ARHGEF9: variants seen among roughly 807,000 people sequenced by gnomAD.
ARHGEF9 encodes rho guanine nucleotide exchange factor 9.
Under a neutral mutation model 41.3 loss-of-function variants are expected in ARHGEF9, and 2 were observed. The observed-to-expected ratio is 0.05, with a 90% CI of 0.02 to 0.15. The LOEUF (loss-of-function observed/expected upper bound fraction) is 0.15, where lower values mean the gene tolerates loss of function less well. ARHGEF9 is among the 10% of genes least tolerant of loss of function. The probability of loss-of-function intolerance (pLI) is 1.00; values close to 1 mark genes in which losing one functional copy is unlikely to be tolerated. For synonymous variants in ARHGEF9, 160 were observed against 154.4 expected (o/e 1.04, Z -0.27); for missense variants, 225 against 424.7 (o/e 0.53, Z 4.13).
chrX:63,735,554 G>A (rs1407921935), intron 1 of ARHGEF9, among the ~76,000 whole-genome samples: 1 of 111,843 alleles, frequency 8.9e-6, no homozygotes, highest in Non-Finnish European at 1.9e-5. Flanking sequence ...GAGGAGCAGG[G>A]GAGGAGATAG....
intron 2 of ARHGEF9, among the ~76,000 whole-genome samples, chrX:63,722,403 GTTTTTTGTTTTT>G (rs1211817518): frequency 1.0e-5 from 1 of 100,352 alleles, no homozygotes; most frequent in Non-Finnish European, 2.0e-5. Flanking sequence ...TCTTCTTGTT[GTTTTTTGTTTTT>G]TTTTTTTTTT....
intron 4 of ARHGEF9, among the ~76,000 whole-genome samples, chrX:63,686,015 G>A (rs1468788493): frequency 9.0e-6 from 1 of 111,608 alleles, no homozygotes; most frequent in Non-Finnish European, 1.9e-5. Flanking sequence ...TCCCATTACT[G>A]TGTATTGACT....
At chrX:63,732,790 A>G (rs781858819) in intron 1 of ARHGEF9, among the ~76,000 whole-genome samples, 2 of 111,662 alleles carry the variant, frequency 1.8e-5, no homozygotes, top group Admixed American at 1.9e-4. Flanking sequence ...ATTTCACTGG[A>G]TGGCCTGCTA....
intron 7 of ARHGEF9, chrX:63,658,069 T>C (rs2048981632): frequency 8.9e-6 from 1 of 111,948 alleles, no homozygotes; most frequent in South Asian, 3.7e-4. Context: ...CATTTGCTAG[T>C]TCCCAAAAAT....
intron 2 of ARHGEF9, among the ~76,000 whole-genome samples, chrX:63,709,403 C>T (rs1416797129): frequency 8.9e-6 from 1 of 112,304 alleles, no homozygotes; most frequent in East Asian, 2.8e-4. Flanking sequence ...ACTCACTCCT[C>T]CCTCCTCCTT....
At chrX:63,666,110 T>C (rs782771850) in intron 6 of ARHGEF9, 93 bp from the exon 7 acceptor site, 25 of 1,125,640 alleles carry the variant, frequency 2.2e-5, no homozygotes, top group South Asian at 1.5e-4. Flanking sequence ...TAGACTGGGA[T>C]AGGAAGAGGC....
chrX:63,777,445 G>A (rs1259331635), intron 1 of ARHGEF9, among the ~76,000 whole-genome samples: 3 of 110,476 alleles, frequency 2.7e-5, no homozygotes, highest in Non-Finnish European at 3.8e-5. Flanking sequence ...TTCCACCACC[G>A]GCCCCTCCCA....
chrX:63,710,161 G>T (rs1416614480), intron 2 of ARHGEF9, among the ~76,000 whole-genome samples: 3 of 109,435 alleles, frequency 2.7e-5, no homozygotes, highest in Admixed American at 9.8e-5. Flanking sequence ...ATAACCTGAT[G>T]AAATGGATAA....
intron 4 of ARHGEF9, among the ~76,000 whole-genome samples, chrX:63,680,893 C>A (rs782458734): frequency 1.3e-4 from 15 of 111,238 alleles, no homozygotes; most frequent in East Asian, 8.5e-4. Flanking sequence ...ACAACAACAA[C>A]AAAAAACATG....
At chrX:63,741,670 C>G (rs2054959265) in intron 1 of ARHGEF9, among the ~76,000 whole-genome samples, 1 of 112,428 alleles carries the variant, frequency 8.9e-6, no homozygotes, top group African/African-American at 3.2e-5. Context: ...TCAGCATGCC[C>G]CATATGTATG....
chrX:63,675,833 T>C (rs1394424747), intron 5 of ARHGEF9, among the ~76,000 whole-genome samples: 6 of 111,722 alleles, frequency 5.4e-5, no homozygotes, highest in Non-Finnish European at 7.5e-5. Context: ...GGCAGATTGA[T>C]AGTGAGATCT....
intron 2 of ARHGEF9, among the ~76,000 whole-genome samples, chrX:63,718,920 C>T (rs1436005941): frequency 9.0e-6 from 1 of 111,331 alleles, no homozygotes. Flanking sequence ...GAGGAATCAT[C>T]TGGGTGATGT....
rs868956996 is a variant in ARHGEF9 at position 63,706,292 on chromosome X, C to T, written c.368G>A (p.Arg123His). Residue 123 changes from arginine (R) to histidine (H), a missense_variant, in exon 3 of 10, where the codon CGT becomes CAT. Arg to His is a conservative substitution (Grantham distance 29, BLOSUM62 0). Transcript: ENST00000671741. ...NVINEIMSTE[R>H]HYIKHLKDIC... ...ATCCTTGAGGTGCTTGATGTAGTGACGCTCAGTGCTCATTATCTCATTGAT... is the reference window on the plus strand; with the variant it reads ...ATCCTTGAGGTGCTTGATGTAGTGATGCTCAGTGCTCATTATCTCATTGAT... 1.7e-6 allele frequency: 2 copies of T among 1,204,938 alleles called. No homozygotes were observed. The highest frequency in any genetic ancestry group is 2.2e-6 in the Non-Finnish European group (2 of 892,116).
chrX:63,692,578 C>A (rs2051425021), intron 4 of ARHGEF9, among the ~76,000 whole-genome samples: 1 of 111,920 alleles, frequency 8.9e-6, no homozygotes, highest in African/African-American at 3.2e-5. Context: ...GAAGAGGATG[C>A]AGAGAACAGA....
rs1159447904 is a variant in ARHGEF9, at chrX:63,666,036, G to T, written c.946-19C>A. On this transcript the variant is annotated intron_variant, in intron 6 of 9. Transcript: ENST00000671741. Reference sequence around the variant, plus strand: ...CCTCGCCCTGGGAAGGACATGTGATGATGAGAGGCAGCCAGGCAGAAGGAT... The same window carrying T: ...CCTCGCCCTGGGAAGGACATGTGATTATGAGAGGCAGCCAGGCAGAAGGAT... The T allele has an allele frequency of 2.7e-5, 32 of 1,206,325 alleles. No individual in the cohort carries two copies. The highest frequency in any genetic ancestry group is 3.2e-5 in the Non-Finnish European group (29 of 894,521).
At chrX:63,705,314 C>A in intron 3 of ARHGEF9, among the ~76,000 whole-genome samples, 1 of 108,414 alleles carries the variant, frequency 9.2e-6, no homozygotes, top group African/African-American at 3.4e-5. Context: ...CAAAAAGATT[C>A]AATGCAGAGT....
intron 1 of ARHGEF9, among the ~76,000 whole-genome samples, chrX:63,733,459 T>G (rs1185451823): frequency 4.5e-5 from 5 of 112,268 alleles, no homozygotes; most frequent in Non-Finnish European, 9.4e-5. Flanking sequence ...AGAGTTGCTT[T>G]TTCTTTTCCT....
At chrX:63,728,555 T>C (rs1446967607) in intron 1 of ARHGEF9, among the ~76,000 whole-genome samples, 1 of 112,545 alleles carries the variant, frequency 8.9e-6, no homozygotes, top group Non-Finnish European at 1.9e-5. Context: ...TAAATGTAAT[T>C]GTCAGCATGT....
intron 1 of ARHGEF9, among the ~76,000 whole-genome samples, chrX:63,778,174 T>C (rs2056324029): frequency 8.9e-6 from 1 of 112,545 alleles, no homozygotes. Flanking sequence ...CAGACTTTCT[T>C]GGGAAGGTTT....
Sources: gnomAD v4.1 joint callset for allele counts (sites outside exome capture counted in the v4.1 genomes callset) on GRCh38, gnomAD v4.1.1 for gene constraint, MANE v1.5 for transcripts, NCBI Gene and HGNC (gene_info 2026-07-23, HGNC 2026-07-21) for gene names.